Variants in C8orf34 observed in about 807,000 individuals in gnomAD.
C8orf34 encodes the protein uncharacterized protein C8orf34.
C8orf34 carries 65 observed loss-of-function variants against 68.3 expected under a neutral mutation model. That is an observed-to-expected ratio of 0.95 (90% CI 0.78 to 1.17). The LOEUF is 1.17. C8orf34 is among the 50% of genes most tolerant of loss of function. The pLI is 0.00. For missense variants in C8orf34, 664 were observed against 655.4 expected (o/e 1.01, Z -0.14); for synonymous variants, 244 against 241.2 (o/e 1.01, Z -0.11).
At chr8:68,611,165 A>G (rs1818011930) in intron 7 of C8orf34, among the ~76,000 whole-genome samples, 1 of 152,134 alleles carries the variant, frequency 6.6e-6, no homozygotes, top group African/African-American at 2.4e-5. Context: ...TGCCCAGCCT[A>G]CAGTGAATCT....
intron 11 of C8orf34, among the ~76,000 whole-genome samples, chr8:68,782,923 T>C (rs1823722260): frequency 6.6e-6 from 1 of 150,852 alleles, no homozygotes; most frequent in Non-Finnish European, 1.5e-5. Context: ...AAAGAAAAAG[T>C]TATTGAGGCA....
chr8:68,449,248 A>G (rs560937904), intron 3 of C8orf34, among the ~76,000 whole-genome samples: 1 of 152,292 alleles, frequency 6.6e-6, no homozygotes, highest in East Asian at 1.9e-4. Flanking sequence ...TCCAGTTACT[A>G]TGGTTTATAA....
At chr8:68,403,691 A>G (rs918050886) in intron 1 of C8orf34, among the ~76,000 whole-genome samples, 46 of 152,144 alleles carry the variant, frequency 3.0e-4, no homozygotes, top group South Asian at 8.3e-4. Context: ...AGCTTCATCC[A>G]TATCCCTGCA....
chr8:68,809,715 T>C (rs1443121421), intron 12 of C8orf34, among the ~76,000 whole-genome samples: 10 of 152,196 alleles, frequency 6.6e-5, no homozygotes, highest in Admixed American at 5.9e-4. Context: ...TTCCTCCACT[T>C]CAGACTTAAG....
intron 1 of C8orf34, among the ~76,000 whole-genome samples, chr8:68,355,668 T>C (rs1365416615): frequency 6.6e-6 from 1 of 152,170 alleles, no homozygotes; most frequent in Non-Finnish European, 1.5e-5. Context: ...CTGGTATCTA[T>C]AGAAAAGATC....
intron 4 of C8orf34, among the ~76,000 whole-genome samples, chr8:68,474,930 C>T (rs1377895435): frequency 1.3e-5 from 2 of 152,208 alleles, no homozygotes; most frequent in Non-Finnish European, 2.9e-5. Flanking sequence ...TGCCAATCAG[C>T]CTTCACTATA....
At chr8:68,724,728 GA>G (rs1334459983) in intron 10 of C8orf34, among the ~76,000 whole-genome samples, 1 of 152,082 alleles carries the variant, frequency 6.6e-6, no homozygotes, top group Non-Finnish European at 1.5e-5. Context: ...AGACAACCAT[GA>G]AAAGAAAATA....
At chr8:68,408,407 C>A (rs1278662445) in intron 1 of C8orf34, among the ~76,000 whole-genome samples, 1 of 151,946 alleles carries the variant, frequency 6.6e-6, no homozygotes, top group African/African-American at 2.4e-5. Flanking sequence ...CGCCACACAC[C>A]CCCAGTCCTT....
Position 68,546,540 on chromosome 8 carries a change from G to A in C8orf34, c.1105+13391G>A, listed in dbSNP as rs145277494. Among the ~76,000 whole-genome samples, 579 of 151,780 alleles carry A rather than the reference G, an allele frequency of 3.8e-3. 4 individuals carry two copies. Among genetic ancestry groups the A allele is most frequent in the African/African-American group, 0.013 (558 of 41,468 alleles). ...AGAGACAAATGGGATATCATAGATG[G>A]ATATTTAAACATATTTCTCTAAATA... On this transcript the variant is annotated intron_variant, in intron 7 of 13. Transcript: ENST00000518698.
chr8:68,461,438 G>A (rs1811820386), intron 3 of C8orf34, among the ~76,000 whole-genome samples: 1 of 152,118 alleles, frequency 6.6e-6, no homozygotes, highest in Non-Finnish European at 1.5e-5. Context: ...GAAATACTGA[G>A]AACGCCACAA....
rs1361664796 is a variant in C8orf34, at chr8:68,364,935, CA to C, written c.327+33602del. On this transcript the variant is annotated intron_variant, in intron 1 of 13. Transcript: ENST00000518698. ...GGAAATAGAGACACAAAAAACCCTT[CA>C]AAAAATCAATGAATCCAGGAGCTGG... 1.3e-3 allele frequency among the ~76,000 whole-genome samples: 198 copies of C among 151,550 alleles called. 1 individual carries two copies. Among genetic ancestry groups the C allele is most frequent in the African/African-American group, 4.7e-3 (195 of 41,354 alleles).
chr8:68,330,740 G>A (rs1055229249), upstream of C8orf34: 3 of 371,450 alleles, frequency 8.1e-6, no homozygotes, highest in East Asian at 4.5e-5. Context: ...GGAGCAGCCC[G>A]GGCTGTTTGT....
chr8:68,592,298 C>G (rs1425396819), intron 7 of C8orf34, among the ~76,000 whole-genome samples: 1 of 151,824 alleles, frequency 6.6e-6, no homozygotes, highest in African/African-American at 2.4e-5. Context: ...TCTATTTATT[C>G]AACTTCATGT....
At chr8:68,462,168 C>T (rs1217694692) in intron 3 of C8orf34, among the ~76,000 whole-genome samples, 1 of 151,830 alleles carries the variant, frequency 6.6e-6, no homozygotes, top group Non-Finnish European at 1.5e-5. Flanking sequence ...AGACTTTAAA[C>T]CAACAAAGAT....
intron 1 of C8orf34, among the ~76,000 whole-genome samples, chr8:68,429,362 C>A (rs1810359787): frequency 6.6e-6 from 1 of 152,066 alleles, no homozygotes; most frequent in African/African-American, 2.4e-5. Context: ...TTCTTTTATA[C>A]CACCAGAATA....
intron 10 of C8orf34, among the ~76,000 whole-genome samples, chr8:68,766,511 G>A (rs1459705085): frequency 6.6e-6 from 1 of 152,152 alleles, no homozygotes; most frequent in Non-Finnish European, 1.5e-5. Flanking sequence ...TGATTTTTAT[G>A]AGGTCAGTGT....
intron 1 of C8orf34, among the ~76,000 whole-genome samples, chr8:68,416,875 T>G (rs1184387452): frequency 6.6e-6 from 1 of 152,142 alleles, no homozygotes; most frequent in Non-Finnish European, 1.5e-5. Flanking sequence ...TGTAAATATT[T>G]ATTCACATAA....
At chr8:68,689,142 A>T (rs1187199754) in intron 8 of C8orf34, among the ~76,000 whole-genome samples, 2 of 152,084 alleles carry the variant, frequency 1.3e-5, no homozygotes, top group African/African-American at 4.8e-5. Context: ...ATAACTCAGG[A>T]ATGGAAAACC....
At chr8:68,717,457 C>A (rs921798361) in intron 9 of C8orf34, among the ~76,000 whole-genome samples, 2 of 150,564 alleles carry the variant, frequency 1.3e-5, no homozygotes, top group East Asian at 2.0e-4. Flanking sequence ...CGTGCCACTG[C>A]CCTACAGCCT....
Sources: gnomAD v4.1 joint callset for allele counts (sites outside exome capture counted in the v4.1 genomes callset) on GRCh38, gnomAD v4.1.1 for gene constraint, MANE v1.5 for transcripts, NCBI Gene and HGNC (gene_info 2026-07-23, HGNC 2026-07-21) for gene names.